The following HS1BP3 variants were observed in gnomAD, a reference collection of about 807,000 sequenced individuals.
The protein encoded by HS1BP3 is HCLS1 binding protein 3.
Under a neutral mutation model 33.5 loss-of-function variants are expected in HS1BP3, and 32 were observed. That is an observed-to-expected ratio of 0.95 (90% CI 0.72 to 1.28). The LOEUF is 1.28. HS1BP3 is among the 50% of genes most tolerant of loss of function. The pLI is 0.00. For missense variants in HS1BP3, 486 were observed against 502.3 expected (o/e 0.97, Z 0.31); for synonymous variants, 187 against 209.2 (o/e 0.89, Z 0.92).
At chr2:20,571,822 G>A (rs1328665405) in intron 5 of HS1BP3, among the ~76,000 whole-genome samples, 1 of 152,232 alleles carries the variant, frequency 6.6e-6, no homozygotes, top group African/African-American at 2.4e-5. Context: ...AGTAGAGCCT[G>A]GTATCTCCCC....
chr2:20,564,060 T>A (rs1395806188), intron 5 of HS1BP3, among the ~76,000 whole-genome samples: 1 of 152,212 alleles, frequency 6.6e-6, no homozygotes, highest in African/African-American at 2.4e-5. Context: ...CCTAGGATCC[T>A]AGCACGGCAA....
intron 3 of HS1BP3, among the ~76,000 whole-genome samples, chr2:20,639,129 G>A (rs929441170): frequency 1.3e-5 from 2 of 152,254 alleles, no homozygotes; most frequent in Admixed American, 6.5e-5. Context: ...GACCTGCCCC[G>A]AGAGTCTGGG....
At chr2:20,640,544 C>G in intron 3 of HS1BP3, 1 of 430,168 alleles carries the variant, frequency 2.3e-6, no homozygotes, top group Non-Finnish European at 4.1e-6. Context: ...TCCCCAGGGG[C>G]AGGTCACCAG....
intron 5 of HS1BP3, among the ~76,000 whole-genome samples, chr2:20,571,617 C>T (rs1010801161): frequency 1.3e-5 from 2 of 152,224 alleles, no homozygotes; most frequent in African/African-American, 4.8e-5. Context: ...GGGACAGCAG[C>T]AGAGAGAGAT....
rs1695483329 is a variant in HS1BP3, at chr2:20,645,321, G to A, written c.198+19C>T. 6.2e-7 allele frequency: 1 copy of A among 1,610,352 alleles called. No homozygotes were observed. Among genetic ancestry groups the A allele is most frequent in the East Asian group, 2.2e-5 (1 of 44,834 alleles). On this transcript the variant is annotated intron_variant, in intron 2 of 6. Transcript: ENST00000304031. Reference sequence around the variant, plus strand: ...CCCCGGGCACCCTCGAAACATCCTGGCCAGAGCCTCCGGCTCACCAAGAAC... The same window carrying A: ...CCCCGGGCACCCTCGAAACATCCTGACCAGAGCCTCCGGCTCACCAAGAAC...
At chr2:20,590,132 G>A (rs915207966), downstream of HS1BP3, among the ~76,000 whole-genome samples, 1 of 152,128 alleles carries the variant, frequency 6.6e-6, no homozygotes, top group African/African-American at 2.4e-5. Context: ...GCAAGCAGAT[G>A]GGGCTGCTGA....
At chr2:20,648,804 C>T (rs1045884220) in intron 1 of HS1BP3, among the ~76,000 whole-genome samples, 1 of 152,160 alleles carries the variant, frequency 6.6e-6, no homozygotes, top group Admixed American at 6.5e-5. Flanking sequence ...TCAAAACTCA[C>T]CTGTCTACAC....
At chr2:20,620,181 A>T (rs534352665) in intron 6 of HS1BP3, among the ~76,000 whole-genome samples, 1 of 152,256 alleles carries the variant, frequency 6.6e-6, no homozygotes, top group Non-Finnish European at 1.5e-5. Context: ...TGATGGCCAG[A>T]CATTTCCACA....
intron 6 of HS1BP3, 38 bp from the exon 7 acceptor site, chr2:20,619,283 G>T: frequency 6.7e-7 from 1 of 1,502,886 alleles, no homozygotes; most frequent in Non-Finnish European, 9.0e-7. Flanking sequence ...GCATAACACT[G>T]CCACCCCGTG....
Position 20,645,406 on chromosome 2 carries a change from C to A in HS1BP3, c.132G>T (p.Leu44=), listed in dbSNP as rs1473790382. ...MMSGHVEYQI[L]VVTRLAAFKS... Reference sequence around the variant, plus strand: ...TGAACGCAGCCAGACGGGTCACCACCAGGATCTGGTACTCCACGTGTCCAG... The same window carrying A: ...TGAACGCAGCCAGACGGGTCACCACAAGGATCTGGTACTCCACGTGTCCAG... The change falls in exon 2 of 7, where the codon CTG becomes CTT. Residue 44 remains leucine, a synonymous_variant. Coordinates refer to ENST00000304031, the MANE Select transcript of HS1BP3 (RefSeq NM_022460.4). 1.2e-6 allele frequency: 2 copies of A among 1,614,194 alleles called. No homozygotes were observed. The highest frequency in any genetic ancestry group is 1.7e-6 in the Non-Finnish European group (2 of 1,180,036).
downstream of HS1BP3, among the ~76,000 whole-genome samples, chr2:20,614,592 G>C (rs548093153): frequency 7.9e-5 from 12 of 152,330 alleles, no homozygotes; most frequent in African/African-American, 2.9e-4. Context: ...CCTGGAACAG[G>C]TACTGCACAC....
chr2:20,554,521 G>A, the HS1BP3 span, among the ~76,000 whole-genome samples: 5 of 152,240 alleles, frequency 3.3e-5, no homozygotes, highest in East Asian at 1.9e-4. Flanking sequence ...TCAGGAGTTC[G>A]AGACCAGCCT....
intron 4 of HS1BP3, chr2:20,636,738 T>C (rs761721564): frequency 5.9e-5 from 9 of 152,242 alleles, no homozygotes; most frequent in South Asian, 2.1e-4. Flanking sequence ...TACCATATAG[T>C]TTTTACTATG....
intron 4 of HS1BP3, 127 bp from the exon 5 acceptor site, chr2:20,625,019 G>T: frequency 1.8e-6 from 2 of 1,137,476 alleles, no homozygotes; most frequent in Non-Finnish European, 2.6e-6. Flanking sequence ...AAAAGACCAG[G>T]CCAGAGGGAC....
rs143921707 is a variant in HS1BP3 at position 20,638,591 on chromosome 2, T to A, written c.468A>T (p.Thr156=). 3.1e-4 allele frequency: 498 copies of A among 1,614,224 alleles called. 2 individuals are homozygous for A. The Middle Eastern group carries it at 8.2e-3, about 27-fold the overall frequency. Residue 156 remains threonine (T), a synonymous_variant, in exon 4 of 7, where the codon ACA becomes ACT. Coordinates refer to ENST00000304031, the MANE Select transcript of HS1BP3 (RefSeq NM_022460.4). The stretch of plus-strand genomic sequence containing the variant: ...CTTCATCATTCCCTGTCTGACTGTC[T>A]GTGCCATCCAGGACAGAGGAATCTC... ...TSRDSSVLDG[T]DSQTGNDEEA...
At position 20,618,635 on chromosome 2, in the gene HS1BP3, T is replaced by C. The variant is rs947456258; in HGVS notation, c.*352A>G. 4 of 1,037,166 alleles carry C rather than the reference T, an allele frequency of 3.9e-6. No homozygotes were observed. Among genetic ancestry groups the C allele is most frequent in the Non-Finnish European group, 4.8e-6 (4 of 840,346 alleles). 64.2% of individuals were successfully genotyped at this position (1,037,166 alleles called of 1,614,324 possible). A position where few individuals can be genotyped will look rare whatever the true frequency, so the allele number is the denominator to read the frequency against. On this transcript the variant is annotated 3_prime_UTR_variant, in exon 7 of 7. Coordinates refer to ENST00000304031, the MANE Select transcript of HS1BP3 (RefSeq NM_022460.4). ...AGAACCCGTGGGCATGAAGCTTCCC[T>C]GCCCCATGTGACACCTCGCTACGGC...
intron 5 of HS1BP3, among the ~76,000 whole-genome samples, chr2:20,583,764 G>T (rs1018849713): frequency 1.3e-5 from 2 of 152,308 alleles, no homozygotes; most frequent in South Asian, 4.1e-4. Context: ...CCTCAGAGGA[G>T]CCTCTCATCA....
intron 2 of HS1BP3, among the ~76,000 whole-genome samples, chr2:20,600,258 C>T (rs1223682871): frequency 6.6e-6 from 1 of 152,204 alleles, no homozygotes; most frequent in South Asian, 2.1e-4. Flanking sequence ...TGGCACCAAT[C>T]ACTATGACAA....
chr2:20,606,335 A>C (rs1440557868), intron 2 of HS1BP3: 2 of 470,914 alleles, frequency 4.2e-6, no homozygotes, highest in Non-Finnish European at 8.6e-6. Context: ...TCTGGTATAA[A>C]TTACTTGAAC....
Sources: gnomAD v4.1 joint callset for allele counts (sites outside exome capture counted in the v4.1 genomes callset) on GRCh38, gnomAD v4.1.1 for gene constraint, MANE v1.5 for transcripts, NCBI Gene and HGNC (gene_info 2026-07-23, HGNC 2026-07-21) for gene names.